The following ASH1L variants were observed in gnomAD, a reference collection of about 807,000 sequenced individuals.
ASH1L encodes the protein ASH1 like histone lysine methyltransferase.
A neutral mutation model predicts 269.0 loss-of-function variants in ASH1L; 23 were observed. The observed-to-expected ratio is 0.09, with a 90% confidence interval of 0.06 to 0.12. ASH1L has a LOEUF of 0.12. Ranked by LOEUF, ASH1L falls within the 10% of genes least tolerant of loss-of-function variation. The probability of loss-of-function intolerance (pLI) is 1.00; values close to 1 mark genes in which losing one functional copy is unlikely to be tolerated. For missense variants in ASH1L, 2,912 were observed against 3,567.8 expected, an observed-to-expected ratio of 0.82 and a Z score of 4.68; for synonymous variants, 1,187 against 1,253.5, an observed-to-expected ratio of 0.95 and a Z score of 1.12.
chr1:155,420,588 T>C (rs928746146), intron 5 of ASH1L, among the ~76,000 whole-genome samples: 31 of 150,162 alleles, frequency 2.1e-4, no homozygotes, highest in Non-Finnish European at 2.8e-4. Context: ...TGGTGGCTCA[T>C]GCCTGTAATC....
chr1:155,337,953 T>A (rs1570931774), intron 27 of ASH1L, 136 bp downstream of exon 27: 1 of 1,097,668 alleles, frequency 9.1e-7, no homozygotes, highest in South Asian at 1.6e-5. Flanking sequence ...AAGATACAAC[T>A]AAAAGCAAGC....
Position 155,478,045 on chromosome 1 carries a change from T to C in ASH1L, c.4825A>G (p.Ser1609Gly). 2 of 1,614,202 alleles carry C rather than the reference T, an allele frequency of 1.2e-6. No individual in the cohort carries two copies. Among genetic ancestry groups the C allele is most frequent in the Non-Finnish European group, 8.5e-7 (1 of 1,180,030 alleles). Residue 1609 changes from serine (S) to glycine (G), a missense_variant, in exon 3 of 28, where the codon AGT (serine) becomes GGT (glycine). Coordinates refer to ENST00000392403, the MANE Select transcript of ASH1L (RefSeq NM_018489.3). The surrounding 1 kb of genome is among the most constrained non-coding windows in gnomAD (Gnocchi z 4.6). ...GAAACTCTGCAGCTGCCTATTGCACTTGTGAAAAGGTTTGTATGTTCATCA... is the reference window on the plus strand; with the variant it reads ...GAAACTCTGCAGCTGCCTATTGCACCTGTGAAAAGGTTTGTATGTTCATCA... ...SSDEHTNLFT[S>G]AIGSCRVSNP...
At chr1:155,380,616 G>C (rs1656848667) in intron 7 of ASH1L, among the ~76,000 whole-genome samples, 2 of 151,544 alleles carry the variant, frequency 1.3e-5, no homozygotes, top group Admixed American at 1.3e-4. Flanking sequence ...AAATTATTCA[G>C]CCTTAAAAAG....
Position 155,439,082 on chromosome 1 carries a change from T to C in ASH1L, c.5087-14A>G. The C allele has an allele frequency of 6.3e-7, 1 of 1,585,414 alleles. No homozygotes were observed. Among genetic ancestry groups the C allele is most frequent in the East Asian group, 2.2e-5 (1 of 44,648 alleles). On this transcript the variant is annotated splice_polypyrimidine_tract_variant and intron_variant, in intron 4 of 27. Transcript: ENST00000392403. ...GAACTCCGTTTACTGAAAGAGACAA[T>C]AAATCACACATAGACAAAATTGGAC...
At chr1:155,363,390 C>A (rs1463278054) in intron 12 of ASH1L, among the ~76,000 whole-genome samples, 2 of 151,976 alleles carry the variant, frequency 1.3e-5, no homozygotes, top group Non-Finnish European at 2.9e-5. Flanking sequence ...ATCCTCCCAC[C>A]TCGCCACCAC....
intron 2 of ASH1L, among the ~76,000 whole-genome samples, chr1:155,496,743 A>G (rs1327605709): frequency 1.3e-5 from 2 of 152,120 alleles, no homozygotes; most frequent in Non-Finnish European, 1.5e-5. Flanking sequence ...GGCTCAAGCA[A>G]TCCTTCCACC....
intron 3 of ASH1L, among the ~76,000 whole-genome samples, chr1:155,475,844 T>C (rs1665495899): frequency 6.6e-6 from 1 of 152,240 alleles, no homozygotes; most frequent in Non-Finnish European, 1.5e-5. Context: ...CCCCATTTCA[T>C]GCTGTACTCT....
chr1:155,344,130 T>G, intron 22 of ASH1L, 53 bp downstream of exon 22: 2 of 1,489,984 alleles, frequency 1.3e-6, no homozygotes, highest in Non-Finnish European at 1.9e-6. Flanking sequence ...AGAGACTTCC[T>G]ACTATTCAGA....
chr1:155,393,414 GA>G (rs1214677079), intron 7 of ASH1L, among the ~76,000 whole-genome samples: 1 of 152,098 alleles, frequency 6.6e-6, no homozygotes, highest in Admixed American at 6.6e-5. Flanking sequence ...CAAGACATAG[GA>G]TCAACATCAA....
chr1:155,335,542 TGGCA>T lies in ASH1L; in HGVS notation c.*2114_*2117del, dbSNP rs1652238640. 1 of 152,742 alleles carries T rather than the reference TGGCA, an allele frequency of 6.5e-6. No homozygotes were observed. Among genetic ancestry groups the T allele is most frequent in the Admixed American group, 6.6e-5 (1 of 15,260 alleles). The allele number at this position is 152,742 out of a possible 1,614,324, so 9.5% of individuals were successfully genotyped here. On this transcript the variant is annotated 3_prime_UTR_variant, in exon 28 of 28. Coordinates refer to ENST00000392403, the MANE Select transcript of ASH1L (RefSeq NM_018489.3). ...CGCATTTCAAACACCAAAACCCGCC[TGGCA>T]GCTGGGGGGTTCTTTTTATTTCGTT...
chr1:155,418,274 G>A (rs1304914975), intron 5 of ASH1L, among the ~76,000 whole-genome samples: 1 of 152,002 alleles, frequency 6.6e-6, no homozygotes, highest in Admixed American at 6.6e-5. Flanking sequence ...CAGGAATTTA[G>A]AAGAAAATAC....
Position 155,459,850 on chromosome 1 carries a change from G to A in ASH1L, c.5033C>T (p.Thr1678Ile), listed in dbSNP as rs189520322. The change falls in exon 4 of 28, where the codon ACA (threonine) becomes ATA (isoleucine). Residue 1678 changes from threonine to isoleucine, a missense_variant. Coordinates refer to ENST00000392403, the MANE Select transcript of ASH1L (RefSeq NM_018489.3). ...DKPSQRPSESTNCSPTRKRSS... is the reference protein window; with the variant it reads ...DKPSQRPSESINCSPTRKRSS... ...CCTTTTCCGGGTAGGGCTACAATTTGTGCTCTCTGATGGCCGCTGGGAGGG... is the reference window on the plus strand; with the variant it reads ...CCTTTTCCGGGTAGGGCTACAATTTATGCTCTCTGATGGCCGCTGGGAGGG... The A allele has an allele frequency of 8.7e-6, 14 of 1,612,804 alleles. No homozygotes were observed. The Admixed American group carries it at 1.7e-4, about 19-fold the overall frequency.
chr1:155,340,773 C>T (rs948321441), intron 25 of ASH1L, among the ~76,000 whole-genome samples: 1 of 148,632 alleles, frequency 6.7e-6, no homozygotes, highest in Non-Finnish European at 1.5e-5. Context: ...TGCTTCTATA[C>T]TTAATTTTTT....
chr1:155,505,223 C>T (rs553015854), intron 2 of ASH1L, among the ~76,000 whole-genome samples: 1 of 152,272 alleles, frequency 6.6e-6, no homozygotes, highest in Admixed American at 6.5e-5. Flanking sequence ...GTGCATTTTC[C>T]CTTTATTATT....
At chr1:155,442,455 C>T (rs897055160) in intron 4 of ASH1L, among the ~76,000 whole-genome samples, 4 of 151,694 alleles carry the variant, frequency 2.6e-5, no homozygotes, top group South Asian at 2.1e-4. Flanking sequence ...TGGTCGCAGG[C>T]GCCTTTAATC....
intron 6 of ASH1L, among the ~76,000 whole-genome samples, chr1:155,402,063 C>G (rs1273024349): frequency 6.6e-6 from 1 of 152,008 alleles, no homozygotes; most frequent in Admixed American, 6.6e-5. Flanking sequence ...GCACACCAGC[C>G]TGGGTGACAG....
intron 3 of ASH1L, among the ~76,000 whole-genome samples, chr1:155,470,204 A>T (rs1456940529): frequency 1.3e-5 from 2 of 152,144 alleles, no homozygotes; most frequent in South Asian, 2.1e-4. Flanking sequence ...CACACCTGTA[A>T]TCCCAGCACT....
At chr1:155,555,058 G>A (rs1340646070) in intron 1 of ASH1L, among the ~76,000 whole-genome samples, 4 of 147,044 alleles carry the variant, frequency 2.7e-5, no homozygotes, top group Non-Finnish European at 4.5e-5. Flanking sequence ...CAGGAGAATC[G>A]CTTGAACTCA....
intron 26 of ASH1L, 35 bp from the exon 27 acceptor site, chr1:155,338,425 C>T (rs1250190548): frequency 4.4e-6 from 7 of 1,585,958 alleles, no homozygotes; most frequent in Non-Finnish European, 6.0e-6. Flanking sequence ...GTGTAAGACA[C>T]TTGAGGAGGA....
Sources: gnomAD v4.1 joint callset for allele counts (sites outside exome capture counted in the v4.1 genomes callset) on GRCh38, gnomAD v4.1.1 for gene constraint, Gnocchi (gnomAD v3.1) non-coding constraint, MANE v1.5 for transcripts, NCBI Gene and HGNC (gene_info 2026-07-23, HGNC 2026-07-21) for gene names.